Variants in ZDHHC23 observed in about 807,000 individuals in gnomAD.
ZDHHC23 encodes the protein zDHHC palmitoyltransferase 23.
In ZDHHC23, 41 loss-of-function variants were observed where a neutral mutation model predicts 40.2. The ratio of observed to expected loss-of-function variants is 1.02; its 90% confidence interval spans 0.79 to 1.32. The LOEUF is 1.32. Among genes scored for constraint, ZDHHC23 ranks in the 40% most tolerant of loss-of-function variants. The pLI is 0.00. For missense variants in ZDHHC23, 471 were observed against 541.5 expected (o/e 0.87, Z 1.29); for synonymous variants, 204 against 210.2 (o/e 0.97, Z 0.26).
Position 113,960,435 on chromosome 3 carries a change from A to G in ZDHHC23, c.*1805A>G, listed in dbSNP as rs1939602591. On this transcript the variant is annotated 3_prime_UTR_variant, in exon 5 of 5. Coordinates refer to ENST00000638807, the MANE Select transcript of ZDHHC23 (RefSeq NM_001320466.2). ...TTTGATATAACAAATTTCTTTCTAT[A>G]CAGGTTTTACATAAGAGAGACAGTA... The G allele has an allele frequency of 2.3e-6, 3 of 1,321,738 alleles. No homozygotes were observed. Among genetic ancestry groups the G allele is most frequent in the African/African-American group, 1.6e-5 (1 of 64,254 alleles). 81.9% of individuals were successfully genotyped at this position (1,321,738 alleles called of 1,614,324 possible). A position where few individuals can be genotyped will look rare whatever the true frequency, so the allele number is the denominator to read the frequency against.
rs780822133 is a variant in ZDHHC23, at chr3:113,959,454, G to A, written c.*824G>A. ...CTTCTATTTATATTTTATAAATTCT[G>A]CTTGGGTTTCTTATAAATAACTCCA... On this transcript the variant is annotated 3_prime_UTR_variant, in exon 5 of 5. Coordinates refer to ENST00000638807, the MANE Select transcript of ZDHHC23 (RefSeq NM_001320466.2). 4.0e-6 allele frequency: 5 copies of A among 1,254,672 alleles called. No homozygotes were observed. The highest frequency in any genetic ancestry group is 2.3e-5 in the Admixed American group (1 of 43,116). The allele number at this position is 1,254,672 out of a possible 1,614,324, so 77.7% of individuals were successfully genotyped here. A position where few individuals can be genotyped will look rare whatever the true frequency, so the allele number is the denominator to read the frequency against.
downstream of ZDHHC23, among the ~76,000 whole-genome samples, chr3:113,966,396 G>A (rs749081675): frequency 1.1e-4 from 17 of 152,256 alleles, no homozygotes; most frequent in Non-Finnish European, 2.1e-4. Flanking sequence ...TCTGCCCCGG[G>A]AGAGGCTGAA....
At chr3:113,948,647 AC>A in intron 1 of ZDHHC23, 38 bp from the exon 2 acceptor site, 1 of 826,042 alleles carries the variant, frequency 1.2e-6, no homozygotes, top group Non-Finnish European at 1.8e-6. Context: ...TGAAAACGGG[AC>A]CCCCTCCCCC....
the ZDHHC23 span, chr3:113,978,128 A>G: frequency 3.1e-6 from 5 of 1,588,298 alleles, no homozygotes; most frequent in East Asian, 2.2e-5. Context: ...GGAGCAGAAT[A>G]TATTGCTGAG....
intron 2 of ZDHHC23, 115 bp downstream of exon 2, chr3:113,949,078 C>A: frequency 7.2e-7 from 1 of 1,382,850 alleles, no homozygotes; most frequent in African/African-American, 1.4e-5. Flanking sequence ...TATTTCCAAG[C>A]ATCTAAAATG....
At position 113,948,845 on chromosome 3, in the gene ZDHHC23, A is replaced by G. The variant is rs1405120508; in HGVS notation, c.43A>G (p.Thr15Ala). The G allele has an allele frequency of 6.2e-7, 1 of 1,614,090 alleles. No individual in the cohort carries two copies. The highest frequency in any genetic ancestry group is 8.5e-7 in the Non-Finnish European group (1 of 1,180,044). Residue 15 changes from threonine (T) to alanine (A), a missense_variant, in exon 2 of 5, where the codon ACC becomes GCC. Around this residue, in one of 3 missense-constraint regions of ZDHHC23, gnomAD observed 83 missense variants for 67.8 expected, o/e 1.22. Transcript: ENST00000638807. ...TATGAAGCCTGTGAAGAAAAAGAAA[A>G]CCGAAGAACCTGAATTGGAGCCCCT... The part of the protein sequence containing the change: ...GSMKPVKKKK[T>A]EEPELEPLCC...
intron 4 of ZDHHC23, among the ~76,000 whole-genome samples, 186 bp from the exon 5 acceptor site, chr3:113,958,172 TATAGA>T (rs527359237): frequency 6.8e-4 from 103 of 152,212 alleles, no homozygotes; most frequent in African/African-American, 2.3e-3. Context: ...CACCAGTAAT[TATAGA>T]ATAAACACAC....
chr3:113,949,249 A>G (rs1938435447), intron 2 of ZDHHC23, among the ~76,000 whole-genome samples: 1 of 152,238 alleles, frequency 6.6e-6, no homozygotes, highest in Admixed American at 6.5e-5. Flanking sequence ...AGTTAGTATA[A>G]AATAAAATGC....
At chr3:113,969,059 G>T (rs1454957690), downstream of ZDHHC23, among the ~76,000 whole-genome samples, 1 of 152,162 alleles carries the variant, frequency 6.6e-6, no homozygotes, top group Non-Finnish European at 1.5e-5. Flanking sequence ...GAAAAAGGGG[G>T]AGGGAGGTGC....
chr3:113,977,314 C>T, the ZDHHC23 span, among the ~76,000 whole-genome samples: 2 of 152,206 alleles, frequency 1.3e-5, no homozygotes, highest in Non-Finnish European at 2.9e-5. Context: ...ACCCACACAA[C>T]AGTCTTCATA....
chr3:113,975,650 G>C, the ZDHHC23 span, among the ~76,000 whole-genome samples: 5 of 152,212 alleles, frequency 3.3e-5, no homozygotes, highest in African/African-American at 1.2e-4. Context: ...AAGTAGGGCA[G>C]TTTAATGGAT....
chr3:113,957,158 C>G (rs1359385524), intron 4 of ZDHHC23, among the ~76,000 whole-genome samples: 1 of 152,230 alleles, frequency 6.6e-6, no homozygotes, highest in African/African-American at 2.4e-5. Context: ...CGCCCCCTCC[C>G]TGAATGCTGG....
chr3:113,979,189 T>C, the ZDHHC23 span, among the ~76,000 whole-genome samples: 1 of 152,240 alleles, frequency 6.6e-6, no homozygotes, highest in South Asian at 2.1e-4. Context: ...ATGGAGGTTA[T>C]AGATTCACAT....
rs1403476777 is a variant in ZDHHC23 at position 113,960,275 on chromosome 3, G to A, written c.*1645G>A. The A allele has an allele frequency of 9.8e-7, 1 of 1,017,364 alleles. No individual in the cohort carries two copies. The highest frequency in any genetic ancestry group is 1.7e-5 in the African/African-American group (1 of 57,528). 63.0% of individuals were successfully genotyped at this position (1,017,364 alleles called of 1,614,324 possible). A position where few individuals can be genotyped will look rare whatever the true frequency, so the allele number is the denominator to read the frequency against. The stretch of plus-strand genomic sequence containing the variant: ...TCACCATATTCTTATTCAGGCTGTT[G>A]TCATTTTCCCCAGAGATGGTTTGTT... On this transcript the variant is annotated 3_prime_UTR_variant, in exon 5 of 5. Coordinates refer to ENST00000638807, the MANE Select transcript of ZDHHC23 (RefSeq NM_001320466.2).
rs2107420245 is a variant in ZDHHC23 at position 113,948,702 on chromosome 3, A to G, written c.-101A>G. Reference sequence around the variant, plus strand: ...ATTGCTCAGGCGTTGGAGGTTAAGCAGAGAGAGAGAGGCGTGGACCTATTT... The same window carrying G: ...ATTGCTCAGGCGTTGGAGGTTAAGCGGAGAGAGAGAGGCGTGGACCTATTT... On this transcript the variant is annotated 5_prime_UTR_variant, in exon 2 of 5. Transcript: ENST00000638807. 1.6e-5 allele frequency: 18 copies of G among 1,106,478 alleles called. No individual in the cohort carries two copies. Among genetic ancestry groups the G allele is most frequent in the Non-Finnish European group, 2.1e-5 (17 of 794,172 alleles). 68.5% of individuals were successfully genotyped at this position (1,106,478 alleles called of 1,614,324 possible).
chr3:113,957,137 T>C (rs1299934563), intron 4 of ZDHHC23, among the ~76,000 whole-genome samples: 2 of 152,234 alleles, frequency 1.3e-5, no homozygotes, highest in African/African-American at 2.4e-5. Context: ...ATTCTTCCGC[T>C]TCGGCCTCAG....
chr3:113,958,730 G>A lies in ZDHHC23; in HGVS notation c.*100G>A. ...CATTTCTATCCCCAGTTTCTTAAAG[G>A]CATTATAGGGCCATGCTCAGGTTTA... On this transcript the variant is annotated 3_prime_UTR_variant, in exon 5 of 5. Coordinates refer to ENST00000638807, the MANE Select transcript of ZDHHC23 (RefSeq NM_001320466.2). The A allele has an allele frequency of 6.3e-7, 1 of 1,586,104 alleles. No homozygotes were observed. Among genetic ancestry groups the A allele is most frequent in the Non-Finnish European group, 8.5e-7 (1 of 1,172,730 alleles).
chr3:113,972,351 G>A, the ZDHHC23 span, among the ~76,000 whole-genome samples: 1 of 151,994 alleles, frequency 6.6e-6, no homozygotes, highest in Non-Finnish European at 1.5e-5. Flanking sequence ...TTGTTCAGGA[G>A]CATGTTGTTT....
At chr3:113,955,931 T>G (rs1939186048) in intron 3 of ZDHHC23, among the ~76,000 whole-genome samples, 1 of 152,218 alleles carries the variant, frequency 6.6e-6, no homozygotes, top group Non-Finnish European at 1.5e-5. Context: ...ATAACTGGAA[T>G]TTACATTTTC....
Sources: gnomAD v4.1 joint callset for allele counts (sites outside exome capture counted in the v4.1 genomes callset) on GRCh38, gnomAD v4.1.1 for gene constraint, gnomAD v4.1.1 regional missense constraint, MANE v1.5 for transcripts, NCBI Gene and HGNC (gene_info 2026-07-23, HGNC 2026-07-21) for gene names.